Variants in CARS1 observed in about 807,000 individuals in gnomAD.
CARS1 encodes cysteinyl-tRNA synthetase 1.
In CARS1, 48 loss-of-function variants were observed where a neutral mutation model predicts 106.2. The observed-to-expected ratio is 0.45, with a 90% confidence interval of 0.36 to 0.57. CARS1 has a LOEUF of 0.57. CARS1 is among the 20% of genes least tolerant of loss of function. The pLI, the probability that CARS1 is intolerant of heterozygous loss-of-function variation, is 0.00. For synonymous variants in CARS1, 409 were observed against 403.4 expected (o/e 1.01, Z -0.17); for missense variants, 968 against 1,057.2 (o/e 0.92, Z 1.17).
chr11:3,002,519 AC>A (rs1407812385), intron 21 of CARS1, 21 bp downstream of exon 21: 1 of 1,613,664 alleles, frequency 6.2e-7, no homozygotes, highest in Non-Finnish European at 8.5e-7. Context: ...TAGAGCCCTC[AC>A]CCCCAAACAA....
In CARS1 at chr11:3,041,040, G is replaced by T. The variant is rs535974526; in HGVS notation, c.367-56C>A. 12 of 1,612,766 alleles carry T rather than the reference G, an allele frequency of 7.4e-6. No individual in the cohort carries two copies. The highest frequency in any genetic ancestry group is 1.0e-5 in the Non-Finnish European group (12 of 1,179,294). On this transcript the variant is annotated intron_variant, in intron 3 of 22. Transcript: ENST00000380525. This position sits in a 1 kb window ranked among gnomAD's most constrained non-coding sequence, Gnocchi z 4.9. The stretch of plus-strand genomic sequence containing the variant: ...AAGAAATGCAAGAAACACTGCACAG[G>T]ATTACCAAAAACAGCAACAAACATC...
chr11:3,018,561 A>G lies in CARS1; in HGVS notation c.1526-50T>C, dbSNP rs763061632. 5 of 1,612,804 alleles carry G rather than the reference A, an allele frequency of 3.1e-6. No individual in the cohort carries two copies. The African/African-American group carries it at 6.7e-5, about 22-fold the overall frequency. Reference sequence around the variant, plus strand: ...ACGCCCTTATTCTCCCGAGTGCTACAGCCATTACACATGTATGAGAAGGTG... The same window carrying G: ...ACGCCCTTATTCTCCCGAGTGCTACGGCCATTACACATGTATGAGAAGGTG... On this transcript the variant is annotated intron_variant, in intron 13 of 22. Transcript: ENST00000380525.
chr11:3,005,782 T>C (rs980133704), intron 19 of CARS1, among the ~76,000 whole-genome samples: 3 of 151,992 alleles, frequency 2.0e-5, no homozygotes, highest in African/African-American at 7.3e-5. Flanking sequence ...CAGCTAATGT[T>C]TTGTATTTTA....
chr11:3,054,380 T>G (rs1242867480), intron 1 of CARS1, among the ~76,000 whole-genome samples: 3 of 152,246 alleles, frequency 2.0e-5, no homozygotes, highest in African/African-American at 7.2e-5. Flanking sequence ...GCACCCACAC[T>G]GGAAATGGCT....
rs768327616 is a variant in CARS1 at position 3,018,613 on chromosome 11, T to C, written c.1525+7A>G. The C allele has an allele frequency of 1.7e-5, 27 of 1,614,046 alleles. No homozygotes were observed. Among genetic ancestry groups the C allele is most frequent in the African/African-American group, 2.7e-5 (2 of 74,932 alleles). On this transcript the variant is annotated splice_region_variant and intron_variant, in intron 13 of 22. Coordinates refer to ENST00000380525, the MANE Select transcript of CARS1 (RefSeq NM_001014437.3). ...TTGGGGGGTCTGTGGGAGAAGCCAG[T>C]GTATACCTGAGTGCTTTTTCAAGGC...
chr11:3,044,226 CCAGGGTTCA>C lies in CARS1; in HGVS notation c.275-1979_275-1971del, dbSNP rs1854841841. 6.6e-6 allele frequency among the ~76,000 whole-genome samples: 1 copy of C among 152,144 alleles called. No homozygotes were observed. Among genetic ancestry groups the C allele is most frequent in the Non-Finnish European group, 1.5e-5 (1 of 68,036 alleles). On this transcript the variant is annotated intron_variant, in intron 2 of 22. Coordinates refer to ENST00000380525, the MANE Select transcript of CARS1 (RefSeq NM_001014437.3). This position sits in a 1 kb window ranked among gnomAD's most constrained non-coding sequence, Gnocchi z 4.4. ...ACTCACCCTGCTATGAGGAAACGGCCCAGGGTTCACAGGACTGAAAGCTTGTCCAAGAAG... is the reference window on the plus strand; with the variant it reads ...ACTCACCCTGCTATGAGGAAACGGCCCAGGACTGAAAGCTTGTCCAAGAAG...
intron 2 of CARS1, among the ~76,000 whole-genome samples, chr11:3,042,768 C>T (rs1854649738): frequency 6.6e-6 from 1 of 152,220 alleles, no homozygotes; most frequent in Non-Finnish European, 1.5e-5. Flanking sequence ...ACCCAGGATC[C>T]CTCACCTGGA....
chr11:3,016,426 T>G (rs1851014298), intron 16 of CARS1, among the ~76,000 whole-genome samples: 1 of 151,768 alleles, frequency 6.6e-6, no homozygotes, highest in South Asian at 2.1e-4. Flanking sequence ...GGTTTCACCG[T>G]GTTAGTCAGG....
rs1339086471 is a variant in CARS1, at chr11:3,053,222, T to C, written c.25+4121A>G. Among the ~76,000 whole-genome samples, 2 of 151,560 alleles carry C rather than the reference T, an allele frequency of 1.3e-5. No individual in the cohort carries two copies. The highest frequency in any genetic ancestry group is 4.9e-5 in the African/African-American group (2 of 41,126). On this transcript the variant is annotated intron_variant, in intron 1 of 22. Transcript: ENST00000380525. This position sits in a 1 kb window ranked among gnomAD's most constrained non-coding sequence, Gnocchi z 6.6. ...TCAGCATTTATTTTTTATTTATTTT[T>C]ATTTTATTTTATTTTATTTTATTTT...
At position 3,052,568 on chromosome 11, in the gene CARS1, G is replaced by A. The variant is rs565799357; in HGVS notation, c.26-4567C>T. On this transcript the variant is annotated intron_variant, in intron 1 of 22. Coordinates refer to ENST00000380525, the MANE Select transcript of CARS1 (RefSeq NM_001014437.3). This position sits in a 1 kb window ranked among gnomAD's most constrained non-coding sequence, Gnocchi z 4.6. The stretch of plus-strand genomic sequence containing the variant: ...GGATCACATAATTCTTAAATGTACC[G>A]TCTAGAGCAGGCTAGACGGCTCATC... Among the ~76,000 whole-genome samples the A allele has an allele frequency of 7.9e-5, 12 of 152,124 alleles. No homozygotes were observed. The highest frequency in any genetic ancestry group is 2.7e-4 in the African/African-American group (11 of 41,472).
At chr11:3,016,993 G>A (rs1851074037) in intron 16 of CARS1, 113 bp downstream of exon 16, 1 of 823,266 alleles carries the variant, frequency 1.2e-6, no homozygotes, top group Non-Finnish European at 1.9e-6. Flanking sequence ...CAGAGGTGCT[G>A]GGCACCAGGC....
chr11:3,012,198 T>C lies in CARS1; in HGVS notation c.2065A>G (p.Lys689Glu). ...EGVRKIAREQ[K>E]VPEILQLSDA... is the part of the protein sequence containing the mutation. Reference sequence around the variant, plus strand: ...CTTTCCAGCAACTGGTCCTCACCTTTTTGCTCTCGGGCAATCTTCCGCACT... The same window carrying C: ...CTTTCCAGCAACTGGTCCTCACCTTCTTGCTCTCGGGCAATCTTCCGCACT... Residue 689 changes from lysine to glutamate, a missense_variant, in exon 18 of 23, where the codon AAA becomes GAA. Transcript: ENST00000380525. The C allele has an allele frequency of 6.2e-7, 1 of 1,614,030 alleles. No individual in the cohort carries two copies. The highest frequency in any genetic ancestry group is 8.5e-7 in the Non-Finnish European group (1 of 1,179,856).
intron 16 of CARS1, among the ~76,000 whole-genome samples, chr11:3,016,387 GT>G (rs1351523988): frequency 1.3e-5 from 2 of 151,778 alleles, no homozygotes; most frequent in Non-Finnish European, 1.5e-5. Flanking sequence ...TGCCTGGCTA[GT>G]TTTTTGTATT....
At position 3,028,902 on chromosome 11, in the gene CARS1, C is replaced by CTCTGCT; in HGVS notation, c.1031+88_1031+93dup. On this transcript the variant is annotated intron_variant, in intron 9 of 22. Coordinates refer to ENST00000380525, the MANE Select transcript of CARS1 (RefSeq NM_001014437.3). The surrounding 1 kb of genome is among the most constrained non-coding windows in gnomAD (Gnocchi z 4.4). ...CTACGCAGCCCCAGAACACCTGCTC[C>CTCTGCT]TCTGCTTCCCAAACTCAGGCTCAGA... 1 of 876,694 alleles carries CTCTGCT rather than the reference C, an allele frequency of 1.1e-6. No individual in the cohort carries two copies. Among genetic ancestry groups the CTCTGCT allele is most frequent in the Middle Eastern group, 3.4e-4 (1 of 2,964 alleles). The allele number at this position is 876,694 out of a possible 1,614,324, so 54.3% of individuals were successfully genotyped here.
rs1312681992 is a variant in CARS1, at chr11:3,015,831, C to T, written c.1936G>A (p.Glu646Lys). 1.9e-6 allele frequency: 3 copies of T among 1,614,050 alleles called. No homozygotes were observed. Among genetic ancestry groups the T allele is most frequent in the Non-Finnish European group, 2.5e-6 (3 of 1,180,032 alleles). The part of the protein sequence containing the change: ...HMLKIFGAVE[E>K]DSSLGFPVGG... ...ACCGGGAATCCCAGGGAGCTGTCCT[C>T]TTCTACGGCCCCAAAGATCTAGGAA... The change falls in exon 17 of 23, where the codon GAG becomes AAG. Residue 646 changes from glutamate to lysine, a missense_variant. Coordinates refer to ENST00000380525, the MANE Select transcript of CARS1 (RefSeq NM_001014437.3).
At chr11:3,001,768 C>T (rs1425143654) in intron 22 of CARS1, among the ~76,000 whole-genome samples, 6 of 152,190 alleles carry the variant, frequency 3.9e-5, no homozygotes, top group African/African-American at 1.2e-4. Flanking sequence ...GGCCCTGGCA[C>T]GGGCTTGCCT....
intron 7 of CARS1, among the ~76,000 whole-genome samples, chr11:3,036,958 T>TA (rs1490897169): frequency 1.3e-5 from 2 of 151,874 alleles, no homozygotes; most frequent in African/African-American, 4.8e-5. Context: ...AAAAAGTTTT[T>TA]AAAAATGGCT....
At position 3,006,843 on chromosome 11, in the gene CARS1, T is replaced by A. The variant is rs776306880; in HGVS notation, c.2149+36A>T. 3.9e-6 allele frequency: 6 copies of A among 1,551,298 alleles called. No individual in the cohort carries two copies. In the South Asian group the frequency reaches 6.7e-5, roughly 17 times the overall value. On this transcript the variant is annotated intron_variant, in intron 19 of 22. Coordinates refer to ENST00000380525, the MANE Select transcript of CARS1 (RefSeq NM_001014437.3). ...TCCTTGTGACACCTCTCCAAGCTCC[T>A]GGTAACTTTGTAGCAAACAGCAAGG...
chr11:3,048,836 CT>C lies in CARS1; in HGVS notation c.26-836del, dbSNP rs1252185613. ...GCCAGCCTCACCTGGCCCCTGGCCC[CT>C]GGCCCCAGGCCCCAGCCTCCCTCCT... On this transcript the variant is annotated intron_variant, in intron 1 of 22. Transcript: ENST00000380525. The surrounding 1 kb of genome is among the most constrained non-coding windows in gnomAD (Gnocchi z 5.1). Among the ~76,000 whole-genome samples, 1 of 152,240 alleles carries C rather than the reference CT, an allele frequency of 6.6e-6. No homozygotes were observed. The highest frequency in any genetic ancestry group is 1.5e-5 in the Non-Finnish European group (1 of 68,044).
Sources: allele counts gnomAD v4.1 joint callset (sites outside exome capture counted in the v4.1 genomes callset), GRCh38; gene constraint gnomAD v4.1.1; non-coding constraint Gnocchi (gnomAD v3.1); transcripts MANE v1.5; gene names NCBI Gene and HGNC (gene_info 2026-07-23, HGNC 2026-07-21).